The following RBM46 variants were observed in gnomAD, a reference collection of about 807,000 sequenced individuals.
RBM46 encodes the protein probable RNA-binding protein 46.
A neutral mutation model predicts 43.3 loss-of-function variants in RBM46; 12 were observed. That is an observed-to-expected ratio of 0.28 (90% confidence interval 0.18 to 0.45). RBM46 has a LOEUF of 0.45. RBM46 is among the 20% of genes least tolerant of loss of function. The pLI, the probability that RBM46 is intolerant of heterozygous loss-of-function variation, is 1.00. For missense variants in RBM46, 412 were observed against 639.1 expected, an observed-to-expected ratio of 0.64 and a Z score of 3.83; for synonymous variants, 205 against 207.6, an observed-to-expected ratio of 0.99 and a Z score of 0.11.
chr4:154,805,581 T>C (rs1734869101), intron 4 of RBM46, among the ~76,000 whole-genome samples: 1 of 152,080 alleles, frequency 6.6e-6, no homozygotes, highest in Non-Finnish European at 1.5e-5. Context: ...AAATTTGTTG[T>C]TGAAAGTTAC....
At chr4:154,820,380 T>G in intron 4 of RBM46, 2 of 1,526,432 alleles carry the variant, frequency 1.3e-6, no homozygotes, top group Non-Finnish European at 1.8e-6. Flanking sequence ...ACACAATCTC[T>G]TCAGCCTGGA....
chr4:154,811,651 A>ATGTGTGTGTGTC (rs1735175919), intron 4 of RBM46, among the ~76,000 whole-genome samples: 1 of 132,530 alleles, frequency 7.5e-6, no homozygotes, highest in South Asian at 2.7e-4. Context: ...TAGATAGGAT[A>ATGTGTGTGTGTC]TGTGTGTGTG....
chr4:154,794,407 C>T (rs952469530), intron 1 of RBM46, among the ~76,000 whole-genome samples: 2 of 152,022 alleles, frequency 1.3e-5, no homozygotes, highest in South Asian at 4.1e-4. Flanking sequence ...ATCTCGACCT[C>T]CTGACCTCGT....
intron 4 of RBM46, among the ~76,000 whole-genome samples, chr4:154,824,582 G>T (rs977743509): frequency 3.3e-5 from 5 of 152,026 alleles, no homozygotes; most frequent in Non-Finnish European, 7.4e-5. Context: ...AGATTGTCTG[G>T]ATTATCTTTC....
chr4:154,810,534 G>C (rs1735124885), intron 4 of RBM46, among the ~76,000 whole-genome samples: 1 of 152,130 alleles, frequency 6.6e-6, no homozygotes, highest in Admixed American at 6.5e-5. Context: ...AAAGACTTTA[G>C]TCTTTATCTT....
intron 1 of RBM46, among the ~76,000 whole-genome samples, chr4:154,788,425 A>T (rs1733898778): frequency 6.6e-6 from 1 of 151,794 alleles, no homozygotes; most frequent in African/African-American, 2.4e-5. Context: ...TTTTCCCAGC[A>T]CCATTTACTA....
intron 1 of RBM46, among the ~76,000 whole-genome samples, chr4:154,789,217 G>C (rs953814655): frequency 6.6e-6 from 1 of 152,110 alleles, no homozygotes; most frequent in Non-Finnish European, 1.5e-5. Context: ...ACTATGTTGA[G>C]TAGGAGTGGT....
In RBM46 at chr4:154,828,215, C is replaced by G. The variant is rs1446022197; in HGVS notation, c.*148C>G. 1.3e-5 allele frequency: 8 copies of G among 630,268 alleles called. No individual in the cohort carries two copies. The highest frequency in any genetic ancestry group is 1.9e-5 in the Non-Finnish European group (7 of 360,746). 39.0% of individuals were successfully genotyped at this position (630,268 alleles called of 1,614,324 possible). A position where few individuals can be genotyped will look rare whatever the true frequency, so the allele number is the denominator to read the frequency against. ...AAAGTACTAAACATCAGCTATAATT[C>G]AGAATAACATGGAGTTGTAGAATTT... On this transcript the variant is annotated 3_prime_UTR_variant, in exon 5 of 5. Transcript: ENST00000281722.
In RBM46 at chr4:154,828,051, AG is replaced by A. The variant is rs751250096; in HGVS notation, c.1588del (p.Ala530ProfsTer19). 6.2e-7 allele frequency: 1 copy of A among 1,611,702 alleles called. No homozygotes were observed. The highest frequency in any genetic ancestry group is 8.5e-7 in the Non-Finnish European group (1 of 1,177,822). ...HVGQRLCISN[Q>X]ASFF is the part of the protein sequence containing the mutation. ...GGACAGCGGCTATGTATCTCCAATC[AG>A]GCCTCCTTCTTCTGAAGAAAATACT... On this transcript the variant is annotated frameshift_variant, in exon 5 of 5. Transcript: ENST00000281722. LOFTEE classifies it high-confidence loss of function.
chr4:154,825,579 G>A (rs746275870), intron 4 of RBM46, among the ~76,000 whole-genome samples: 2 of 152,050 alleles, frequency 1.3e-5, no homozygotes, highest in African/African-American at 2.4e-5. Context: ...CATGAATAAA[G>A]TCATCAACTT....
intron 4 of RBM46, among the ~76,000 whole-genome samples, chr4:154,816,297 G>T (rs996215079): frequency 2.0e-5 from 3 of 151,970 alleles, no homozygotes; most frequent in South Asian, 4.2e-4. Context: ...ATTTTGATTG[G>T]AACGGAATTG....
rs1183209114 is a variant in RBM46 at position 154,811,651 on chromosome 4, ATGTGTGTGTGTGTGTGTC to A, written c.1402+12105_1402+12122del. 6.0e-4 allele frequency among the ~76,000 whole-genome samples: 79 copies of A among 132,620 alleles called. 2 individuals are homozygous for A. Among genetic ancestry groups the A allele is most frequent in the African/African-American group, 1.9e-3 (66 of 35,238 alleles). The allele number at this position is 132,620 out of a possible 152,430, so 87.0% of individuals were successfully genotyped here. A position where few individuals can be genotyped will look rare whatever the true frequency, so the allele number is the denominator to read the frequency against. Reference sequence around the variant, plus strand: ...CACAGTTCCTTGTGGTAGATAGGATATGTGTGTGTGTGTGTGTCTGTGTGTGTGTGTGTGTGTGTGTGT... The same window carrying A: ...CACAGTTCCTTGTGGTAGATAGGATATGTGTGTGTGTGTGTGTGTGTGTGT... On this transcript the variant is annotated intron_variant, in intron 4 of 4. Transcript: ENST00000281722.
chr4:154,803,533 T>G (rs1734741363), intron 4 of RBM46, among the ~76,000 whole-genome samples: 1 of 151,332 alleles, frequency 6.6e-6, no homozygotes, highest in African/African-American at 2.4e-5. Flanking sequence ...AAACCCCGTC[T>G]CTACTAAAAA....
chr4:154,812,561 C>T (rs1354284935), intron 4 of RBM46, among the ~76,000 whole-genome samples: 2 of 152,160 alleles, frequency 1.3e-5, no homozygotes, highest in Admixed American at 1.3e-4. Flanking sequence ...ATTTCCTGGT[C>T]CCCTGTTACT....
At chr4:154,823,772 T>C (rs939417979) in intron 4 of RBM46, among the ~76,000 whole-genome samples, 4 of 152,028 alleles carry the variant, frequency 2.6e-5, no homozygotes, top group African/African-American at 9.7e-5. Context: ...CAAATTATAG[T>C]AACCACATAA....
intron 4 of RBM46, among the ~76,000 whole-genome samples, chr4:154,814,670 T>G (rs1735338852): frequency 6.6e-6 from 1 of 152,054 alleles, no homozygotes; most frequent in Non-Finnish European, 1.5e-5. Context: ...CTGTATTTAA[T>G]AATATTTCTA....
chr4:154,813,362 C>A (rs1735276282), intron 4 of RBM46, among the ~76,000 whole-genome samples: 1 of 151,844 alleles, frequency 6.6e-6, no homozygotes, highest in Non-Finnish European at 1.5e-5. Context: ...ATAGTAGAAA[C>A]CCCTGAAATA....
intron 3 of RBM46, 41 bp downstream of exon 3, chr4:154,798,319 A>C: frequency 1.6e-6 from 2 of 1,256,872 alleles, no homozygotes; most frequent in South Asian, 3.0e-5. Context: ...CATTATTACA[A>C]ATATGGAGAG....
chr4:154,820,419 A>G, intron 4 of RBM46: 2 of 1,511,982 alleles, frequency 1.3e-6, no homozygotes, highest in Non-Finnish European at 1.8e-6. Context: ...GAGAAAATAA[A>G]CAGGTAAGAG....
Sources: gnomAD v4.1 joint callset for allele counts (sites outside exome capture counted in the v4.1 genomes callset) on GRCh38, gnomAD v4.1.1 for gene constraint, MANE v1.5 for transcripts, NCBI Gene and HGNC (gene_info 2026-07-23, HGNC 2026-07-21) for gene names.